EHD2: variants seen among roughly 807,000 people sequenced by gnomAD.
EHD2 encodes the protein EH domain containing 2.
A neutral mutation model predicts 41.0 loss-of-function variants in EHD2; 27 were observed. The ratio of observed to expected loss-of-function variants is 0.66; its 90% CI spans 0.49 to 0.91. The LOEUF is 0.91. Among genes scored for constraint, EHD2 ranks in the 40% least tolerant of loss-of-function variants. The pLI is 0.00. For missense variants in EHD2, 673 were observed against 773.9 expected (o/e 0.87, Z 1.55); for synonymous variants, 342 against 341.0 (o/e 1.00, Z -0.03).
intron 1 of EHD2, among the ~76,000 whole-genome samples, chr19:47,715,466 T>G (rs1445425298): frequency 1.3e-5 from 2 of 152,114 alleles, no homozygotes; most frequent in Admixed American, 1.3e-4. Flanking sequence ...CTGTTTCTCA[T>G]GCCCTCCTCT....
chr19:47,739,542 G>A (rs113361213), intron 5 of EHD2, among the ~76,000 whole-genome samples: 12,097 of 147,350 alleles, frequency 0.082, 696 homozygotes, highest in Non-Finnish European at 0.12. Flanking sequence ...CGGAGGTTGC[G>A]GTGAGCTGAG....
chr19:47,717,774 GGTTC>G (rs1238008649), intron 2 of EHD2, among the ~76,000 whole-genome samples: 3 of 151,374 alleles, frequency 2.0e-5, no homozygotes, highest in East Asian at 2.0e-4. Flanking sequence ...TGGGTGTGGT[GGTTC>G]GTGCCTGTAA....
At chr19:47,724,181 C>T (rs1246678580) in intron 3 of EHD2, among the ~76,000 whole-genome samples, 3 of 151,570 alleles carry the variant, frequency 2.0e-5, no homozygotes, top group South Asian at 4.2e-4. Context: ...CAGGCTCAAG[C>T]GATTCTCGTG....
At chr19:47,740,767 A>G in intron 5 of EHD2, 114 bp from the exon 6 acceptor site, 1 of 1,164,588 alleles carries the variant, frequency 8.6e-7, no homozygotes, top group East Asian at 2.6e-5. Context: ...AACAGTAAAA[A>G]AACCCCACAA....
intron 4 of EHD2, among the ~76,000 whole-genome samples, chr19:47,728,095 C>CAAAAAAAAAA (rs33962779): frequency 8.0e-6 from 1 of 124,742 alleles, no homozygotes; most frequent in Non-Finnish European, 1.6e-5. Context: ...GACTCTGTCT[C>CAAAAAAAAAA]AAAATAAAAA....
In EHD2 at chr19:47,741,419, GCTCCGC is replaced by G; in HGVS notation, c.1621_1626del (p.Ser541_Ala542del). The G allele has an allele frequency of 2.6e-6, 4 of 1,557,582 alleles. No individual in the cohort carries two copies. Among genetic ancestry groups the G allele is most frequent in the Non-Finnish European group, 3.4e-6 (4 of 1,164,186 alleles). ...CCACCCTCCAAGCGACGCCACAAGG[GCTCCGC>G]CGAGTGAGCCGGCCCCCCTCCCATG... is the stretch of plus-strand genomic sequence containing the variant. On this transcript the variant is annotated inframe_deletion, in exon 6 of 6. Transcript: ENST00000263277. The surrounding 1 kb of genome is among the most constrained non-coding windows in gnomAD (Gnocchi z 4.5).
intron 3 of EHD2, 107 bp downstream of exon 3, chr19:47,718,713 G>C: frequency 9.7e-7 from 1 of 1,026,226 alleles, no homozygotes; most frequent in Admixed American, 2.2e-5. Flanking sequence ...TGAGGGAGGA[G>C]GGGCTGGGGT....
intron 3 of EHD2, among the ~76,000 whole-genome samples, chr19:47,724,216 C>T (rs1234835739): frequency 6.6e-6 from 1 of 151,724 alleles, no homozygotes; most frequent in Admixed American, 6.6e-5. Flanking sequence ...ATATGTGGGA[C>T]CATAGGCATG....
Position 47,719,586 on chromosome 19 carries a change from A to T in EHD2, c.502+980A>T, listed in dbSNP as rs1973673153. 6.6e-6 allele frequency among the ~76,000 whole-genome samples: 1 copy of T among 151,756 alleles called. No individual in the cohort carries two copies. Among genetic ancestry groups the T allele is most frequent in the Non-Finnish European group, 1.5e-5 (1 of 67,886 alleles). On this transcript the variant is annotated intron_variant, in intron 3 of 5. Transcript: ENST00000263277. This position sits in a 1 kb window ranked among gnomAD's most constrained non-coding sequence, Gnocchi z 4.1. ...CAGAACTGGGGCAAAGGAGGCTGCTATGTGGGGCAGAGAGGATGGGAGGCC... is the reference window on the plus strand; with the variant it reads ...CAGAACTGGGGCAAAGGAGGCTGCTTTGTGGGGCAGAGAGGATGGGAGGCC...
intron 1 of EHD2, among the ~76,000 whole-genome samples, chr19:47,715,428 C>T (rs949636937): frequency 6.6e-6 from 1 of 152,106 alleles, no homozygotes; most frequent in Non-Finnish European, 1.5e-5. Context: ...AAAGTCAACC[C>T]TGCCCTGAGT....
intron 5 of EHD2, among the ~76,000 whole-genome samples, chr19:47,740,440 AAAAAACAAAAC>A (rs979496083): frequency 9.9e-5 from 15 of 151,632 alleles, no homozygotes; most frequent in Non-Finnish European, 1.6e-4. Flanking sequence ...CCCTGTCAAA[AAAAAACAAAAC>A]AAAACAAAAC....
At chr19:47,731,279 A>ATATATATATATATGTATAT (rs1555793891) in intron 4 of EHD2, 1 of 60,928 alleles carries the variant, frequency 1.6e-5, no homozygotes, top group African/African-American at 4.9e-5. Context: ...AAAAAAAAAA[A>ATATATATATATATGTATAT]ATATATATAT....
intron 2 of EHD2, among the ~76,000 whole-genome samples, chr19:47,718,237 C>T (rs1334901745): frequency 6.9e-6 from 1 of 144,672 alleles, no homozygotes; most frequent in East Asian, 2.0e-4. Flanking sequence ...AGTGCCATTG[C>T]ACTCCAGCCT....
rs940685338 is a variant in EHD2, at chr19:47,741,907, C to T, written c.*475C>T. 4.4e-6 allele frequency: 2 copies of T among 457,974 alleles called. No homozygotes were observed. Among genetic ancestry groups the T allele is most frequent in the Non-Finnish European group, 8.8e-6 (2 of 228,270 alleles). The allele number at this position is 457,974 out of a possible 1,614,324, so 28.4% of individuals were successfully genotyped here. ...CCAGCCCCTCCCCTGGCTGAGCAGC[C>T]CTGTGGCTGAAATGACTAGCAGATA... On this transcript the variant is annotated 3_prime_UTR_variant, in exon 6 of 6. Transcript: ENST00000263277. The surrounding 1 kb of genome is among the most constrained non-coding windows in gnomAD (Gnocchi z 4.5).
At chr19:47,722,019 C>G (rs1390232637) in intron 3 of EHD2, among the ~76,000 whole-genome samples, 2 of 112,402 alleles carry the variant, frequency 1.8e-5, no homozygotes, top group African/African-American at 7.6e-5. Flanking sequence ...AACACACACA[C>G]ACACACACAC....
At chr19:47,726,511 T>G in intron 4 of EHD2, among the ~76,000 whole-genome samples, 1 of 151,086 alleles carries the variant, frequency 6.6e-6, no homozygotes, top group Non-Finnish European at 1.5e-5. Context: ...CTTCTTCCTC[T>G]TTTTCTTCTT....
In EHD2 at chr19:47,740,930, A is replaced by C. The variant is rs1239204455; in HGVS notation, c.1130A>C (p.Lys377Thr). 6.2e-7 allele frequency: 1 copy of C among 1,613,280 alleles called. No individual in the cohort carries two copies. Among genetic ancestry groups the C allele is most frequent in the African/African-American group, 1.3e-5 (1 of 74,936 alleles). ...DFTKFHSLKPKLLEALDEMLT... is the reference protein window; with the variant it reads ...DFTKFHSLKPTLLEALDEMLT... ...ACCAAGTTTCACTCGCTGAAGCCGA[A>C]GCTGCTAGAGGCACTGGACGAGATG... Residue 377 changes from lysine to threonine, a missense_variant, in exon 6 of 6, where the codon AAG (lysine) becomes ACG (threonine). Coordinates refer to ENST00000263277, the MANE Select transcript of EHD2 (RefSeq NM_014601.4).
intron 4 of EHD2, among the ~76,000 whole-genome samples, chr19:47,730,393 A>G (rs899014635): frequency 6.7e-6 from 1 of 149,330 alleles, no homozygotes; most frequent in Non-Finnish European, 1.5e-5. Flanking sequence ...CTCTTCCTGC[A>G]GGTTCATCCA....
chr19:47,715,228 C>A (rs1973613413), intron 1 of EHD2, among the ~76,000 whole-genome samples: 1 of 152,008 alleles, frequency 6.6e-6, no homozygotes, highest in South Asian at 2.1e-4. Context: ...CCCTCATGAC[C>A]TGGGTGCACC....
Sources: gnomAD v4.1 joint callset for allele counts (sites outside exome capture counted in the v4.1 genomes callset) on GRCh38, gnomAD v4.1.1 for gene constraint, Gnocchi (gnomAD v3.1) non-coding constraint, MANE v1.5 for transcripts, NCBI Gene and HGNC (gene_info 2026-07-23, HGNC 2026-07-21) for gene names.